The following GALK2 variants were observed in gnomAD, a reference collection of about 807,000 sequenced individuals.
The protein encoded by GALK2 is galactokinase 2.
In GALK2, 36 loss-of-function variants were observed where a neutral mutation model predicts 52.4. The ratio of observed to expected loss-of-function variants is 0.69; its 90% CI spans 0.53 to 0.91. The LOEUF (loss-of-function observed/expected upper bound fraction) is 0.91. GALK2 is among the 40% of genes least tolerant of loss of function. The probability of loss-of-function intolerance (pLI) is 0.00; values close to 1 mark genes in which losing one functional copy is unlikely to be tolerated. For missense variants in GALK2, 579 were observed against 559.1 expected, an observed-to-expected ratio of 1.04 and a Z score of -0.36; for synonymous variants, 176 against 199.1, an observed-to-expected ratio of 0.88 and a Z score of 0.98.
chr15:49,217,103 G>A, intron 2 of GALK2, 87 bp from the exon 3 acceptor site: 3 of 1,156,730 alleles, frequency 2.6e-6, no homozygotes, highest in Non-Finnish European at 3.7e-6. Flanking sequence ...CTGGCTCATG[G>A]TCAGTTTTTT....
chr15:49,169,347 C>T (rs1350205724), upstream of GALK2, among the ~76,000 whole-genome samples: 1 of 151,868 alleles, frequency 6.6e-6, no homozygotes, highest in Non-Finnish European at 1.5e-5. Flanking sequence ...GTGCAAAGTG[C>T]ACTAGATTGA....
At chr15:49,204,271 CT>C (rs1355334581) in intron 2 of GALK2, among the ~76,000 whole-genome samples, 26 of 151,144 alleles carry the variant, frequency 1.7e-4, no homozygotes, top group Non-Finnish European at 3.1e-4. Context: ...TCCAGCTTTT[CT>C]TTTCTTCTTC....
At chr15:49,299,718 C>CTTTG (rs1322110894) in intron 8 of GALK2, among the ~76,000 whole-genome samples, 1 of 44,360 alleles carries the variant, frequency 2.3e-5, no homozygotes, top group Non-Finnish European at 4.6e-5. Context: ...TGCTTTCTTT[C>CTTTG]TTTCTTTCTT....
At chr15:49,335,146 T>G (rs995575649), downstream of GALK2, among the ~76,000 whole-genome samples, 1 of 152,148 alleles carries the variant, frequency 6.6e-6, no homozygotes, top group African/African-American at 2.4e-5. Flanking sequence ...CAGTCTCCAT[T>G]CCCTGGAGCT....
chr15:49,307,921 T>G (rs1216528237), intron 8 of GALK2, among the ~76,000 whole-genome samples: 5 of 152,226 alleles, frequency 3.3e-5, no homozygotes, highest in African/African-American at 9.6e-5. Flanking sequence ...ATTTTCCCTT[T>G]AAATGTAAAA....
rs1367062632 is a variant in GALK2, at chr15:49,206,530, AGG to A, written c.142+5281_142+5282del. Reference sequence around the variant, plus strand: ...CAGTGTTTCGTAGTTTTCCTTGTAGAGGTCTTTTGACTCCTTTGTTAGGTATA... The same window carrying A: ...CAGTGTTTCGTAGTTTTCCTTGTAGATCTTTTGACTCCTTTGTTAGGTATA... On this transcript the variant is annotated intron_variant, in intron 2 of 9. Coordinates refer to ENST00000560031, the MANE Select transcript of GALK2 (RefSeq NM_002044.4). Among the ~76,000 whole-genome samples the A allele has an allele frequency of 2.6e-5, 4 of 152,016 alleles. No individual in the cohort carries two copies. In the East Asian group the frequency reaches 7.7e-4, roughly 29 times the overall value.
intron 9 of GALK2, among the ~76,000 whole-genome samples, chr15:49,322,229 T>G (rs1436928723): frequency 6.6e-6 from 1 of 152,246 alleles, no homozygotes; most frequent in Non-Finnish European, 1.5e-5. Flanking sequence ...ATTTATTTTC[T>G]GAGAAAAATT....
intron 5 of GALK2, among the ~76,000 whole-genome samples, chr15:49,250,419 T>C (rs1223110173): frequency 6.6e-6 from 1 of 152,222 alleles, no homozygotes; most frequent in East Asian, 1.9e-4. Context: ...AAATTACTGT[T>C]AAGCACCTAG....
chr15:49,355,541 A>T (rs1567137283), intron 3 of GALK2, among the ~76,000 whole-genome samples: 2 of 152,196 alleles, frequency 1.3e-5, no homozygotes, highest in Non-Finnish European at 2.9e-5. Context: ...GTTTAGAGAA[A>T]AAAGAATAAA....
intron 3 of GALK2, among the ~76,000 whole-genome samples, chr15:49,224,195 T>G (rs1184143394): frequency 7.7e-6 from 1 of 129,186 alleles, no homozygotes. Context: ...GATTATTTGT[T>G]TTTTGCTTGT....
intron 1 of GALK2, among the ~76,000 whole-genome samples, chr15:49,161,481 C>A (rs189353778): frequency 6.6e-6 from 1 of 152,072 alleles, no homozygotes; most frequent in African/African-American, 2.4e-5. Context: ...TACTTTATAC[C>A]GTTAAGATAC....
At chr15:49,261,508 C>T (rs898352541) in intron 5 of GALK2, among the ~76,000 whole-genome samples, 1,536 of 152,052 alleles carry the variant, frequency 0.01, 25 homozygotes, top group African/African-American at 0.035. Flanking sequence ...TCATGTCATC[C>T]GCAAACAGGG....
chr15:49,319,924 A>T, intron 9 of GALK2, 119 bp downstream of exon 9: 6 of 835,868 alleles, frequency 7.2e-6, no homozygotes, highest in Non-Finnish European at 1.1e-5. Context: ...TTCCTATATG[A>T]GGAGTCTCTG....
At chr15:49,360,973 CT>C (rs1248270813) in intron 3 of GALK2, among the ~76,000 whole-genome samples, 2 of 152,094 alleles carry the variant, frequency 1.3e-5, no homozygotes, top group Non-Finnish European at 2.9e-5. Flanking sequence ...CATCCTCCCT[CT>C]TGTGATTTAG....
In GALK2 at chr15:49,299,826, A is replaced by AT. The variant is rs1303429324; in HGVS notation, c.967+7299dup. Among the ~76,000 whole-genome samples, 17 of 98,986 alleles carry AT rather than the reference A, an allele frequency of 1.7e-4. 2 individuals are homozygous for AT. Among genetic ancestry groups the AT allele is most frequent in the East Asian group, 5.8e-4 (2 of 3,436 alleles). 64.9% of individuals were successfully genotyped at this position (98,986 alleles called of 152,430 possible). A position where few individuals can be genotyped will look rare whatever the true frequency, so the allele number is the denominator to read the frequency against. Reference sequence around the variant, plus strand: ...GTAGTCTGAGAGCGTGATTGGTATGATTTTTTTTTTAATTTGTTGAGAATT... The same window carrying AT: ...GTAGTCTGAGAGCGTGATTGGTATGATTTTTTTTTTTAATTTGTTGAGAATT... On this transcript the variant is annotated intron_variant, in intron 8 of 9. Coordinates refer to ENST00000560031, the MANE Select transcript of GALK2 (RefSeq NM_002044.4).
At chr15:49,263,010 AGGTGT>A (rs1220427345) in intron 5 of GALK2, among the ~76,000 whole-genome samples, 3 of 144,756 alleles carry the variant, frequency 2.1e-5, no homozygotes, top group Middle Eastern at 3.2e-3. Flanking sequence ...GTTTTGGAAT[AGGTGT>A]GGTGTGGTGC....
chr15:49,219,202 G>A (rs373398792), intron 3 of GALK2, among the ~76,000 whole-genome samples: 1 of 152,170 alleles, frequency 6.6e-6, no homozygotes, highest in South Asian at 2.1e-4. Flanking sequence ...CAATTCCCAC[G>A]TGTCCTGGGA....
In GALK2 at chr15:49,257,416, C is replaced by A. The variant is rs934389106; in HGVS notation, c.504+18049C>A. 2.0e-5 allele frequency among the ~76,000 whole-genome samples: 3 copies of A among 152,000 alleles called. 1 individual carries two copies. The highest frequency in any genetic ancestry group is 7.3e-5 in the African/African-American group (3 of 41,372). On this transcript the variant is annotated intron_variant, in intron 5 of 9. Transcript: ENST00000560031. ...AACAGAGGCAAAGAAATGGGATGCA[C>A]TCATATAATATAATTGGCTACCCAA...
intron 7 of GALK2, 120 bp downstream of exon 7, chr15:49,283,838 T>C: frequency 2.1e-6 from 2 of 961,612 alleles, no homozygotes; most frequent in Admixed American, 5.1e-5. Context: ...CTGCACAGCA[T>C]TCCAACTGAA....
Sources: allele counts gnomAD v4.1 joint callset (sites outside exome capture counted in the v4.1 genomes callset), GRCh38; gene constraint gnomAD v4.1.1; transcripts MANE v1.5; gene names NCBI Gene and HGNC (gene_info 2026-07-23, HGNC 2026-07-21).